The following ROBO3 variants were observed in gnomAD, a reference collection of about 807,000 sequenced individuals.
ROBO3 encodes the protein roundabout guidance receptor 3.
A neutral mutation model predicts 160.5 loss-of-function variants in ROBO3; 97 were observed. The ratio of observed to expected loss-of-function variants is 0.60; its 90% CI spans 0.51 to 0.72. The LOEUF is 0.72. ROBO3 is among the 30% of genes least tolerant of loss of function. The probability of loss-of-function intolerance (pLI) is 0.00; values close to 1 mark genes in which losing one functional copy is unlikely to be tolerated. For missense variants in ROBO3, 1,858 were observed against 1,846.5 expected, an observed-to-expected ratio of 1.01 and a Z score of -0.11; for synonymous variants, 780 against 746.2, an observed-to-expected ratio of 1.05 and a Z score of -0.74.
intron 11 of ROBO3, 28 bp from the exon 12 acceptor site, chr11:124,874,042 C>A: frequency 6.2e-7 from 1 of 1,613,042 alleles, no homozygotes; most frequent in Non-Finnish European, 8.5e-7. Context: ...CTGGCTTAGA[C>A]AACCCTGTCA....
chr11:124,868,863 G>A lies in ROBO3; in HGVS notation c.222G>A (p.Leu74=), dbSNP rs766158577. The change falls in exon 2 of 28, where the codon CTG becomes CTA. Residue 74 remains leucine (L), a synonymous_variant. Transcript: ENST00000397801. ...TCGTGGAGCAGCCGCCAGATCTGCT[G>A]GTCTCCCGAGGCGAGCCCGCCACGT... ...PRIVEQPPDL[L]VSRGEPATLP... The A allele has an allele frequency of 3.9e-5, 62 of 1,608,512 alleles. No individual in the cohort carries two copies. Among genetic ancestry groups the A allele is most frequent in the Non-Finnish European group, 5.0e-5 (59 of 1,178,302 alleles).
chr11:124,865,744 C>A lies in ROBO3; in HGVS notation c.160+7C>A, dbSNP rs1394283542. 4.4e-6 allele frequency: 7 copies of A among 1,602,976 alleles called. No homozygotes were observed. The highest frequency in any genetic ancestry group is 3.4e-5 in the Admixed American group (2 of 59,208). ...GGCGATCCCTCTCTCAACGGTGAGACCCTGCCTCTTGGGGATATGGGATCC... is the reference window on the plus strand; with the variant it reads ...GGCGATCCCTCTCTCAACGGTGAGAACCTGCCTCTTGGGGATATGGGATCC... On this transcript the variant is annotated splice_region_variant and intron_variant, in intron 1 of 27. Transcript: ENST00000397801. This position sits in a 1 kb window ranked among gnomAD's most constrained non-coding sequence, Gnocchi z 5.5.
In ROBO3 at chr11:124,875,965, G is replaced by A. The variant is rs1946355984; in HGVS notation, c.2433G>A (p.Leu811=). 3 of 1,598,186 alleles carry A rather than the reference G, an allele frequency of 1.9e-6. No individual in the cohort carries two copies. Among genetic ancestry groups the A allele is most frequent in the African/African-American group, 1.3e-5 (1 of 74,738 alleles). ...GVITEYQIWC[L]GNESRFHLNR... is the part of the protein sequence containing the mutation. Reference sequence around the variant, plus strand: ...CTCGGCCTCCCTAGATCTGGTGCCTGGGCAATGAGAGCCGCTTTCACCTCA... The same window carrying A: ...CTCGGCCTCCCTAGATCTGGTGCCTAGGCAATGAGAGCCGCTTTCACCTCA... Residue 811 remains leucine (L), a synonymous_variant, in exon 16 of 28, where the codon CTG becomes CTA. Transcript: ENST00000397801.
At chr11:124,875,417 CAGG>C (rs1184578011) in intron 14 of ROBO3, 81 bp downstream of exon 14, 63 of 1,570,606 alleles carry the variant, frequency 4.0e-5, no homozygotes, top group Non-Finnish European at 4.9e-5. Context: ...TGAAAATTTG[CAGG>C]AGGAGAGCAG....
chr11:124,877,996 G>T lies in ROBO3; in HGVS notation c.3046G>T (p.Gly1016Cys). 1 of 1,611,962 alleles carries T rather than the reference G, an allele frequency of 6.2e-7. No individual in the cohort carries two copies. Among genetic ancestry groups the T allele is most frequent in the Non-Finnish European group, 8.5e-7 (1 of 1,179,162 alleles). The stretch of plus-strand genomic sequence containing the variant: ...CAGGGGCACGGCCGCCCCTGGCGAG[G>T]GTCCTGTCTATAGCACCATTGACCC... Reference protein sequence around the residue: ...TARGTAAPGEGPVYSTIDPAG... With the variant: ...TARGTAAPGECPVYSTIDPAG... Residue 1016 changes from glycine (G) to cysteine (C), a missense_variant, in exon 21 of 28, where the codon GGT (glycine) becomes TGT (cysteine). Physicochemically the swap from Gly to Cys is radical, Grantham distance 159. Transcript: ENST00000397801.
Position 124,873,055 on chromosome 11 carries a change from T to A in ROBO3, c.1502T>A (p.Met501Lys). ...LQGDDLQFKT[M>K]ANGTLYIANV... is the part of the protein sequence containing the mutation. ...GGGGATGACCTCCAGTTCAAGACAA[T>A]GGCCAACGGTACCCTGTACATCGCC... The change falls in exon 9 of 28, where the codon ATG (methionine) becomes AAG (lysine). Residue 501 changes from methionine (M) to lysine (K), a missense_variant. By Grantham distance (95) the Met-to-Lys change is moderately conservative. Transcript: ENST00000397801. The surrounding 1 kb of genome is among the most constrained non-coding windows in gnomAD (Gnocchi z 4.5). 1 of 1,613,896 alleles carries A rather than the reference T, an allele frequency of 6.2e-7. No individual in the cohort carries two copies. The highest frequency in any genetic ancestry group is 8.5e-7 in the Non-Finnish European group (1 of 1,179,842).
chr11:124,869,146 G>T lies in ROBO3; in HGVS notation c.487+18G>T. On this transcript the variant is annotated intron_variant, in intron 2 of 27. Transcript: ENST00000397801. The surrounding 1 kb of genome is among the most constrained non-coding windows in gnomAD (Gnocchi z 4.2). ...AGTGGCAGGTGAGAGTCAGTTGACC[G>T]TCAGCTGGTTGCTTCCAGAGCCTGG... is the stretch of plus-strand genomic sequence containing the variant. 1 of 1,523,924 alleles carries T rather than the reference G, an allele frequency of 6.6e-7. No homozygotes were observed. The highest frequency in any genetic ancestry group is 1.4e-5 in the African/African-American group (1 of 72,974). The allele number at this position is 1,523,924 out of a possible 1,614,324, so 94.4% of individuals were successfully genotyped here.
In ROBO3 at chr11:124,878,690, T is replaced by G. The variant is rs1201961947; in HGVS notation, c.3427T>G (p.Ser1143Ala). The G allele has an allele frequency of 6.2e-7, 1 of 1,613,392 alleles. No individual in the cohort carries two copies. Among genetic ancestry groups the G allele is most frequent in the Non-Finnish European group, 8.5e-7 (1 of 1,179,766 alleles). The change falls in exon 23 of 28, where the codon TCT (serine) becomes GCT (alanine). Residue 1143 changes from serine to alanine, a missense_variant. Transcript: ENST00000397801. This position sits in a 1 kb window ranked among gnomAD's most constrained non-coding sequence, Gnocchi z 4.3. ...LVTPSRRETP[S>A]PTPSYGQQST... ...CACCCCATCCCGAAGGGAAACCCCCTCTCCCACACCTTCCTATGGACAGCA... is the reference window on the plus strand; with the variant it reads ...CACCCCATCCCGAAGGGAAACCCCCGCTCCCACACCTTCCTATGGACAGCA...
Position 124,877,277 on chromosome 11 carries a change from G to A in ROBO3, c.2814G>A (p.Pro938=). The stretch of plus-strand genomic sequence containing the variant: ...CCTCATTTTCCCCAGTGTCCTTCCC[G>A]CACTCAGAGGGCCTCTCTGGAGCCA... ...SFAYTPAVSF[P]HSEGLSGASS... The change falls in exon 19 of 28, where the codon CCG becomes CCA. Residue 938 remains proline, a synonymous_variant. Coordinates refer to ENST00000397801, the MANE Select transcript of ROBO3 (RefSeq NM_022370.4). 6.2e-7 allele frequency: 1 copy of A among 1,613,690 alleles called. No individual in the cohort carries two copies. Among genetic ancestry groups the A allele is most frequent in the Non-Finnish European group, 8.5e-7 (1 of 1,179,828 alleles).
chr11:124,877,890 C>G (rs761607598), intron 20 of ROBO3, 47 bp from the exon 21 acceptor site: 1 of 1,353,392 alleles, frequency 7.4e-7, no homozygotes, highest in South Asian at 1.2e-5. Context: ...CTGTTGTCCT[C>G]TATGTTTCTG....
chr11:124,868,372 T>A (rs554762829), intron 1 of ROBO3: 70 of 387,108 alleles, frequency 1.8e-4, no homozygotes, highest in Non-Finnish European at 3.1e-4. Flanking sequence ...TTGGCTCCAG[T>A]GCACGGTTTA....
rs1211553141 is a variant in ROBO3, at chr11:124,877,170, C to T, written c.2789C>T (p.Ala930Val). ...KELSHYTASF[A>V]YTPAVSFPHS... ...GGTTCCTTTCTGGAAGCCTCTTTTGCCTACACACCGGCAGGTAAGCCATCT... is the reference window on the plus strand; with the variant it reads ...GGTTCCTTTCTGGAAGCCTCTTTTGTCTACACACCGGCAGGTAAGCCATCT... Residue 930 changes from alanine (A) to valine (V), a missense_variant, in exon 18 of 28, where the codon GCC becomes GTC. Physicochemically the swap from Ala to Val is moderately conservative, Grantham distance 64. Transcript: ENST00000397801. 1 of 1,613,806 alleles carries T rather than the reference C, an allele frequency of 6.2e-7. No individual in the cohort carries two copies. Among genetic ancestry groups the T allele is most frequent in the African/African-American group, 1.3e-5 (1 of 74,898 alleles).
rs1186530206 is a variant in ROBO3 at position 124,868,810 on chromosome 11, G to A, written c.169G>A (p.Val57Ile). The A allele has an allele frequency of 2.5e-6, 4 of 1,608,692 alleles. No homozygotes were observed. Among genetic ancestry groups the A allele is most frequent in the Admixed American group, 1.7e-5 (1 of 59,426 alleles). Residue 57 changes from valine (V) to isoleucine (I), a missense_variant, in exon 2 of 28, where the codon GTA becomes ATA. Val to Ile is a conservative substitution (Grantham distance 29, BLOSUM62 3). Transcript: ENST00000397801. The stretch of plus-strand genomic sequence containing the variant: ...CCACCCCCTGTCCCCAGGGTCAAGG[G>A]TAGGACCGGAGGACGCTATGCCCCG... ...PGDPSLNGSR[V>I]GPEDAMPRIV...
chr11:124,867,377 G>T (rs1313053639), intron 1 of ROBO3, among the ~76,000 whole-genome samples: 1 of 152,200 alleles, frequency 6.6e-6, no homozygotes, highest in African/African-American at 2.4e-5. Context: ...ACTGAGAGAA[G>T]TTAAATAATT....
In ROBO3 at chr11:124,880,599, A is replaced by G. The variant is rs569009441; in HGVS notation, c.4140A>G (p.Lys1380=). 3 of 1,545,752 alleles carry G rather than the reference A, an allele frequency of 1.9e-6. No individual in the cohort carries two copies. The highest frequency in any genetic ancestry group is 4.0e-5 in the Admixed American group (2 of 50,406). ...SRSQSQRPGQ[K]RREEPR The stretch of plus-strand genomic sequence containing the variant: ...GCCAGAGCCAAAGGCCAGGACAGAA[A>G]CGCCGAGAGGTAGGGGCCATAGATT... The change falls in exon 27 of 28, where the codon AAA becomes AAG. Residue 1380 remains lysine (K), a synonymous_variant. Transcript: ENST00000397801.
chr11:124,867,934 C>A (rs1946223024), intron 1 of ROBO3, among the ~76,000 whole-genome samples: 1 of 152,068 alleles, frequency 6.6e-6, no homozygotes, highest in Admixed American at 6.5e-5. Context: ...CTGAGAGTGC[C>A]GGAGTATAAC....
rs1591505932 is a variant in ROBO3, at chr11:124,865,867, G to C, written c.160+130G>C. On this transcript the variant is annotated intron_variant, in intron 1 of 27. Transcript: ENST00000397801. This position sits in a 1 kb window ranked among gnomAD's most constrained non-coding sequence, Gnocchi z 5.5. ...AGTGGCGCCTCCCAGCGCCTCCCTG[G>C]GTCGTGGGGTCTAAGGGATAATTTG... is the stretch of plus-strand genomic sequence containing the variant. 9.5e-7 allele frequency: 1 copy of C among 1,056,798 alleles called. No individual in the cohort carries two copies. Among genetic ancestry groups the C allele is most frequent in the East Asian group, 2.6e-5 (1 of 38,288 alleles). The allele number at this position is 1,056,798 out of a possible 1,614,324, so 65.5% of individuals were successfully genotyped here.
rs55706177 is a variant in ROBO3 at position 124,876,284 on chromosome 11, C to G, written c.2603C>G (p.Pro868Arg). ...APVLVQLPSP[P>R]DLEPGLEVGA... ...TCTCTGACCCCCACAGCGTCCCCGC[C>G]GGACCTGGAGCCCGGGCTGGAGGTG... Residue 868 changes from proline to arginine, a missense_variant, in exon 17 of 28, where the codon CCG (proline) becomes CGG (arginine). By Grantham distance (103) the Pro-to-Arg change is moderately radical. Coordinates refer to ENST00000397801, the MANE Select transcript of ROBO3 (RefSeq NM_022370.4). This position sits in a 1 kb window ranked among gnomAD's most constrained non-coding sequence, Gnocchi z 5.3. The G allele has an allele frequency of 6.8e-7, 1 of 1,465,502 alleles. No individual in the cohort carries two copies. The highest frequency in any genetic ancestry group is 8.9e-7 in the Non-Finnish European group (1 of 1,120,642). 90.8% of individuals were successfully genotyped at this position (1,465,502 alleles called of 1,614,324 possible).
Position 124,878,690 on chromosome 11 carries a change from T to C in ROBO3, c.3427T>C (p.Ser1143Pro), listed in dbSNP as rs1201961947. 5 of 1,613,274 alleles carry C rather than the reference T, an allele frequency of 3.1e-6. No individual in the cohort carries two copies. The highest frequency in any genetic ancestry group is 3.4e-6 in the Non-Finnish European group (4 of 1,179,774). ...LVTPSRRETPSPTPSYGQQST... is the reference protein window; with the variant it reads ...LVTPSRRETPPPTPSYGQQST... Reference sequence around the variant, plus strand: ...CACCCCATCCCGAAGGGAAACCCCCTCTCCCACACCTTCCTATGGACAGCA... The same window carrying C: ...CACCCCATCCCGAAGGGAAACCCCCCCTCCCACACCTTCCTATGGACAGCA... Residue 1143 changes from serine (S) to proline (P), a missense_variant, in exon 23 of 28, where the codon TCT becomes CCT. Coordinates refer to ENST00000397801, the MANE Select transcript of ROBO3 (RefSeq NM_022370.4). This position sits in a 1 kb window ranked among gnomAD's most constrained non-coding sequence, Gnocchi z 4.3.
Sources: allele counts gnomAD v4.1 joint callset (sites outside exome capture counted in the v4.1 genomes callset), GRCh38; gene constraint gnomAD v4.1.1; non-coding constraint Gnocchi (gnomAD v3.1); transcripts MANE v1.5; gene names NCBI Gene and HGNC (gene_info 2026-07-23, HGNC 2026-07-21).